The following CFAP97 variants were observed in gnomAD, a reference collection of about 807,000 sequenced individuals.
CFAP97 encodes the protein cilia- and flagella-associated protein 97.
CFAP97 carries 36 observed loss-of-function variants against 43.1 expected under a neutral mutation model. The ratio of observed to expected loss-of-function variants is 0.84; its 90% CI spans 0.64 to 1.10. CFAP97 has a LOEUF of 1.10. Among genes scored for constraint, CFAP97 ranks in the 50% least tolerant of loss-of-function variants. The pLI is 0.00. For synonymous variants in CFAP97, 228 were observed against 225.7 expected (o/e 1.01, Z -0.09); for missense variants, 657 against 620.3 (o/e 1.06, Z -0.63).
chr4:185,178,513 G>A (rs1251162279), intron 2 of CFAP97, among the ~76,000 whole-genome samples: 1 of 151,954 alleles, frequency 6.6e-6, no homozygotes, highest in Non-Finnish European at 1.5e-5. Flanking sequence ...CCAAAGTGCT[G>A]GGATTACAGA....
At chr4:185,210,172 C>T, upstream of CFAP97, 4 of 984,918 alleles carry the variant, frequency 4.1e-6, no homozygotes, top group Non-Finnish European at 4.8e-6. The surrounding 1 kb of genome is among the most constrained non-coding windows in gnomAD (Gnocchi z 4.4). Context: ...CCTCGTCTGC[C>T]GGAGCCCGCG....
intron 3 of CFAP97, among the ~76,000 whole-genome samples, chr4:185,171,614 T>A (rs1735304821): frequency 6.6e-6 from 1 of 152,208 alleles, no homozygotes; most frequent in African/African-American, 2.4e-5. Context: ...AGTGAAACCA[T>A]CAACCAAGTA....
In CFAP97 at chr4:185,175,481, G is replaced by A. The variant is rs114109550; in HGVS notation, c.1320+305C>T. ...GGTAGAGCTGGGGTTTTGCCAGATT[G>A]TGCAATCTGGTCTCAAACTCCTTGC... On this transcript the variant is annotated intron_variant, in intron 3 of 4. Coordinates refer to ENST00000458385, the MANE Select transcript of CFAP97 (RefSeq NM_020827.3). Among the ~76,000 whole-genome samples, 612 of 152,160 alleles carry A rather than the reference G, an allele frequency of 4.0e-3. 7 individuals are homozygous for A. The highest frequency in any genetic ancestry group is 0.014 in the African/African-American group (564 of 41,496).
At chr4:185,207,155 G>C (rs1473458328), upstream of CFAP97, among the ~76,000 whole-genome samples, 1 of 145,932 alleles carries the variant, frequency 6.9e-6, no homozygotes. Flanking sequence ...TCCTTTGTCA[G>C]TTTTCCAGGT....
intron 1 of CFAP97, among the ~76,000 whole-genome samples, chr4:185,202,337 C>T (rs1736884175): frequency 6.6e-6 from 1 of 152,036 alleles, no homozygotes; most frequent in South Asian, 2.1e-4. Flanking sequence ...CCACTTGAGC[C>T]CAGGAGCTTG....
intron 2 of CFAP97, among the ~76,000 whole-genome samples, chr4:185,187,462 C>A (rs1290348867): frequency 6.6e-6 from 1 of 151,762 alleles, no homozygotes. Flanking sequence ...CAAGCTTTTG[C>A]GACACAGAGA....
At chr4:185,199,878 C>G (rs1291397019) in intron 1 of CFAP97, among the ~76,000 whole-genome samples, 2 of 152,118 alleles carry the variant, frequency 1.3e-5, no homozygotes, top group Non-Finnish European at 2.9e-5. Context: ...ACCTGGTCAC[C>G]CAATAGCTCT....
At chr4:185,181,310 C>T (rs1165603591) in intron 2 of CFAP97, among the ~76,000 whole-genome samples, 1 of 146,286 alleles carries the variant, frequency 6.8e-6, no homozygotes, top group Non-Finnish European at 1.5e-5. Context: ...CAAATCAAGG[C>T]ATAATCATAC....
intron 2 of CFAP97, among the ~76,000 whole-genome samples, chr4:185,183,346 C>A (rs1052729252): frequency 6.6e-6 from 1 of 152,202 alleles, no homozygotes. Context: ...GATGGGCTCA[C>A]ATGTTGTCTT....
At chr4:185,176,144 C>G in intron 2 of CFAP97, 93 bp from the exon 3 acceptor site, 3 of 1,129,346 alleles carry the variant, frequency 2.7e-6, no homozygotes, top group Non-Finnish European at 2.4e-6. Flanking sequence ...CGGAGTTTCA[C>G]TCTTGTTACC....
intron 2 of CFAP97, chr4:185,182,071 A>G (rs1735813829): frequency 6.6e-6 from 1 of 152,096 alleles, no homozygotes. Flanking sequence ...TTCATAGTTT[A>G]TATAGTAGAT....
intron 2 of CFAP97, chr4:185,182,148 A>T (rs1431638353): frequency 1.3e-5 from 2 of 152,040 alleles, no homozygotes; most frequent in Non-Finnish European, 2.9e-5. Flanking sequence ...AAAGTGACCT[A>T]ATTTTACCTA....
intron 3 of CFAP97, chr4:185,169,726 G>A (rs183729534): frequency 3.5e-5 from 34 of 985,394 alleles, no homozygotes; most frequent in Admixed American, 1.2e-4. Context: ...TTTCTAGAGC[G>A]ATGAAGCAAA....
chr4:185,170,270 C>T, intron 3 of CFAP97: 1 of 658,142 alleles, frequency 1.5e-6, no homozygotes. Flanking sequence ...CACTTGAACC[C>T]AGGAGATGGA....
At chr4:185,203,365 C>T (rs72704044) in intron 1 of CFAP97, among the ~76,000 whole-genome samples, 19,274 of 152,220 alleles carry the variant, frequency 0.13, 1,291 homozygotes, top group African/African-American at 0.14. Flanking sequence ...ACTTTTTAAA[C>T]TGTCATCTTG....
intron 1 of CFAP97, among the ~76,000 whole-genome samples, chr4:185,198,164 CGGG>C: frequency 6.6e-6 from 1 of 152,276 alleles, no homozygotes; most frequent in South Asian, 2.1e-4. Flanking sequence ...CCTGCTCAGC[CGGG>C]TGTGGTGGCT....
intron 3 of CFAP97, chr4:185,169,585 T>C (rs1175016193): frequency 1.0e-6 from 1 of 978,762 alleles, no homozygotes; most frequent in African/African-American, 1.8e-5. Context: ...CAAACATTTA[T>C]TTTATATCCA....
intron 1 of CFAP97, among the ~76,000 whole-genome samples, chr4:185,197,987 C>G (rs1432563519): frequency 6.6e-6 from 1 of 152,144 alleles, no homozygotes; most frequent in Admixed American, 6.6e-5. Flanking sequence ...TGGAGAAAGT[C>G]TGAATGGTCT....
rs568181165 is a variant in CFAP97 at position 185,192,628 on chromosome 4, T to A, written c.-16-1416A>T. On this transcript the variant is annotated intron_variant, in intron 1 of 4. Transcript: ENST00000458385. ...ATAGTCTTTAAAAAATGGTTTTTTT[T>A]ATCTGTTTATTACAGTGGTCAAAGC... Among the ~76,000 whole-genome samples, 645 of 149,572 alleles carry A rather than the reference T, an allele frequency of 4.3e-3. 6 individuals carry two copies. The highest frequency in any genetic ancestry group is 0.031 in the South Asian group (144 of 4,720).
Sources: allele counts gnomAD v4.1 joint callset (sites outside exome capture counted in the v4.1 genomes callset), GRCh38; gene constraint gnomAD v4.1.1; non-coding constraint Gnocchi (gnomAD v3.1); transcripts MANE v1.5; gene names NCBI Gene and HGNC (gene_info 2026-07-23, HGNC 2026-07-21).